The following PIP5K1C variants were observed in gnomAD, a reference collection of about 807,000 sequenced individuals.
PIP5K1C encodes phosphatidylinositol-4-phosphate 5-kinase type 1 gamma.
Under a neutral mutation model 80.1 loss-of-function variants are expected in PIP5K1C, and 45 were observed. That is an observed-to-expected ratio of 0.56 (90% CI 0.44 to 0.72). PIP5K1C has a LOEUF of 0.72. Among genes scored for constraint, PIP5K1C ranks in the 30% least tolerant of loss-of-function variants. PIP5K1C has a pLI of 0.00. For synonymous variants in PIP5K1C, 498 were observed against 420.1 expected, an observed-to-expected ratio of 1.19 and a Z score of -2.27; for missense variants, 753 against 954.6, an observed-to-expected ratio of 0.79 and a Z score of 2.78.
At chr19:3,652,940 G>A (rs1599968533) in intron 7 of PIP5K1C, among the ~76,000 whole-genome samples, 3 of 152,158 alleles carry the variant, frequency 2.0e-5, no homozygotes, top group African/African-American at 4.8e-5. Flanking sequence ...AGACACTCCC[G>A]ACCCCCAAGG....
At position 3,638,928 on chromosome 19, in the gene PIP5K1C, G is replaced by A; in HGVS notation, c.1876C>T (p.Gln626Ter). Residue 626 changes from glutamine to a stop codon, truncating the protein, a stop_gained, in exon 16 of 18, where the codon CAG becomes TAG. Coordinates refer to ENST00000335312, the MANE Select transcript of PIP5K1C (RefSeq NM_012398.3). LOFTEE classifies it high-confidence loss of function. Reference protein sequence around the residue: ...ASDEEGAPASQASDEEDAPAT... With the variant: ...ASDEEGAPAS ...GGCGCGTCCTCCTCGTCCGAGGCCT[G>A]GCTGGCAGGTGCGCCCTCCTCGTCT... The A allele has an allele frequency of 1.9e-6, 3 of 1,612,674 alleles. No individual in the cohort carries two copies. Among genetic ancestry groups the A allele is most frequent in the Non-Finnish European group, 2.5e-6 (3 of 1,179,924 alleles).
intron 16 of PIP5K1C, chr19:3,638,105 G>T: frequency 7.2e-7 from 1 of 1,392,080 alleles, no homozygotes. Flanking sequence ...CCTTCCCAGG[G>T]GGTGCAGGGT....
intron 12 of PIP5K1C, 113 bp downstream of exon 12, chr19:3,643,974 C>G (rs866616424): frequency 5.2e-5 from 67 of 1,297,450 alleles, no homozygotes; most frequent in Non-Finnish European, 7.2e-5. Flanking sequence ...CCTGCAGATC[C>G]GGAGGGGGTG....
Position 3,661,039 on chromosome 19 carries a change from C to T in PIP5K1C, c.395G>A (p.Arg132His), listed in dbSNP as rs773054478. The T allele has an allele frequency of 3.7e-6, 6 of 1,613,938 alleles. No homozygotes were observed. The highest frequency in any genetic ancestry group is 1.1e-5 in the South Asian group (1 of 91,082). ...LTPAHHFQDFRFKTYAPVAFR... is the reference protein window; with the variant it reads ...LTPAHHFQDFHFKTYAPVAFR... Reference sequence around the variant, plus strand: ...GGCGACAGGTGCATAGGTCTTGAAGCGGAAGTCCTGGAAGTGGTGGGCGGG... The same window carrying T: ...GGCGACAGGTGCATAGGTCTTGAAGTGGAAGTCCTGGAAGTGGTGGGCGGG... The change falls in exon 5 of 18, where the codon CGC (arginine) becomes CAC (histidine). Residue 132 changes from arginine to histidine, a missense_variant. Around this residue, in one of 6 missense-constraint regions of PIP5K1C, gnomAD observed 139 missense variants for 289.7 expected, o/e 0.48. Transcript: ENST00000335312.
At position 3,692,839 on chromosome 19, in the gene PIP5K1C, C is replaced by T. The variant is rs1166591867; in HGVS notation, c.94+7458G>A. ...CCCCGTCCCCTCCCTGCCCTCCCCT[C>T]CTCACTGTTCCTCTAAAACACCAGG... On this transcript the variant is annotated intron_variant, in intron 1 of 17. Coordinates refer to ENST00000335312, the MANE Select transcript of PIP5K1C (RefSeq NM_012398.3). The surrounding 1 kb of genome is among the most constrained non-coding windows in gnomAD (Gnocchi z 5.2). Among the ~76,000 whole-genome samples the T allele has an allele frequency of 2.0e-5, 3 of 151,858 alleles. No homozygotes were observed. Among genetic ancestry groups the T allele is most frequent in the Non-Finnish European group, 4.4e-5 (3 of 67,942 alleles).
intron 1 of PIP5K1C, among the ~76,000 whole-genome samples, chr19:3,683,139 G>A (rs1458458661): frequency 6.6e-6 from 1 of 152,098 alleles, no homozygotes; most frequent in Non-Finnish European, 1.5e-5. Flanking sequence ...CCCCCGCTGG[G>A]TTTACTTCTC....
intron 9 of PIP5K1C, 142 bp from the exon 10 acceptor site, chr19:3,647,528 T>C (rs985084038): frequency 1.3e-6 from 1 of 758,950 alleles, no homozygotes; most frequent in African/African-American, 1.7e-5. Flanking sequence ...GGGTGGCAGG[T>C]GCTCCTGGCA....
rs1208589734 is a variant in PIP5K1C at position 3,637,431 on chromosome 19, AACAACTGACGTC to A, written c.1920+1441_1920+1452del. 6.5e-7 allele frequency: 1 copy of A among 1,535,506 alleles called. No individual in the cohort carries two copies. Among genetic ancestry groups the A allele is most frequent in the Non-Finnish European group, 8.7e-7 (1 of 1,146,804 alleles). On this transcript the variant is annotated intron_variant, in intron 16 of 17. Coordinates refer to ENST00000335312, the MANE Select transcript of PIP5K1C (RefSeq NM_012398.3). The surrounding 1 kb of genome is among the most constrained non-coding windows in gnomAD (Gnocchi z 7.0). ...TGATTTACCCAAAGCCCTTCTGGAA[AACAACTGACGTC>A]AGACACTGAGCTTCCGGCCGGGGAC...
chr19:3,646,107 A>G, intron 10 of PIP5K1C, 49 bp from the exon 11 acceptor site: 1 of 1,185,196 alleles, frequency 8.4e-7, no homozygotes, highest in Non-Finnish European at 1.3e-6. Flanking sequence ...TGCATCAATC[A>G]ACAGCTGGGG....
At chr19:3,694,932 T>C (rs1301652002) in intron 1 of PIP5K1C, among the ~76,000 whole-genome samples, 1 of 152,256 alleles carries the variant, frequency 6.6e-6, no homozygotes, top group East Asian at 1.9e-4. Flanking sequence ...TGTTTTCGGC[T>C]TCGTGGGACA....
rs754289952 is a variant in PIP5K1C, at chr19:3,648,696, G to A, written c.1140C>T (p.Ile380=). ...GCTCCCCGCGGCCGTTCACAGCGGG[G>A]ATCCCGCCCATCCTGGGGAGAGAGG... The part of the protein sequence containing the change: ...AIESDDTMGG[I]PAVNGRGERL... The change falls in exon 9 of 18, where the codon ATC becomes ATT. Residue 380 remains isoleucine (I), a synonymous_variant. Coordinates refer to ENST00000335312, the MANE Select transcript of PIP5K1C (RefSeq NM_012398.3). The surrounding 1 kb of genome is among the most constrained non-coding windows in gnomAD (Gnocchi z 4.3). The A allele has an allele frequency of 1.2e-6, 2 of 1,612,952 alleles. No individual in the cohort carries two copies. The highest frequency in any genetic ancestry group is 4.5e-5 in the East Asian group (2 of 44,878).
In PIP5K1C at chr19:3,660,961, CT is replaced by C; in HGVS notation, c.468+4del. 5.0e-6 allele frequency: 8 copies of C among 1,605,994 alleles called. No individual in the cohort carries two copies. Among genetic ancestry groups the C allele is most frequent in the Non-Finnish European group, 6.8e-6 (8 of 1,172,762 alleles). ...CTGGAAGCCCGTAACAGCAAATATG[CT>C]TACCAAGTAATCATCTGGCCGGATC... On this transcript the variant is annotated splice_donor_region_variant and intron_variant, in intron 5 of 17. Coordinates refer to ENST00000335312, the MANE Select transcript of PIP5K1C (RefSeq NM_012398.3).
intron 15 of PIP5K1C, 44 bp from the exon 16 acceptor site, chr19:3,639,060 C>A (rs777530565): frequency 6.2e-7 from 1 of 1,602,560 alleles, no homozygotes; most frequent in Admixed American, 1.7e-5. Context: ...TCAGGCCCCA[C>A]ACGGAGACTC....
chr19:3,686,851 G>A (rs981034692), intron 1 of PIP5K1C, among the ~76,000 whole-genome samples: 2 of 152,014 alleles, frequency 1.3e-5, no homozygotes, highest in Non-Finnish European at 2.9e-5. Flanking sequence ...CCTTGGATTA[G>A]GCAACAATTT....
chr19:3,635,405 C>T (rs753236491), intron 16 of PIP5K1C, among the ~76,000 whole-genome samples: 2 of 152,168 alleles, frequency 1.3e-5, no homozygotes, highest in Non-Finnish European at 2.9e-5. Flanking sequence ...AGATTAAGGC[C>T]GGGCGTGGTG....
At chr19:3,666,600 C>T (rs1187165661) in intron 2 of PIP5K1C, among the ~76,000 whole-genome samples, 1 of 151,774 alleles carries the variant, frequency 6.6e-6, no homozygotes, top group East Asian at 1.9e-4. Context: ...CAGGCAAACA[C>T]GTGCACACAC....
chr19:3,643,028 G>GC (rs2034038214), intron 13 of PIP5K1C, 89 bp from the exon 14 acceptor site: 1 of 1,531,152 alleles, frequency 6.5e-7, no homozygotes, highest in South Asian at 1.1e-5. Context: ...CTGCCTACCT[G>GC]CCCCCTGGCA....
intron 5 of PIP5K1C, among the ~76,000 whole-genome samples, chr19:3,659,886 G>A (rs528285586): frequency 6.6e-6 from 1 of 152,346 alleles, no homozygotes; most frequent in South Asian, 2.1e-4. Flanking sequence ...GGTGAGGGCA[G>A]GATCGGAGAA....
At position 3,688,232 on chromosome 19, in the gene PIP5K1C, G is replaced by T. The variant is rs1366425059; in HGVS notation, c.94+12065C>A. On this transcript the variant is annotated intron_variant, in intron 1 of 17. Transcript: ENST00000335312. The surrounding 1 kb of genome is among the most constrained non-coding windows in gnomAD (Gnocchi z 5.3). ...CGCCCCTCGCGGCTGGCTCCCCAGC[G>T]TCCCTGTCCTCCAGGGGCGCAGCGT... 6.6e-6 allele frequency among the ~76,000 whole-genome samples: 1 copy of T among 152,198 alleles called. No homozygotes were observed.
Sources: allele counts gnomAD v4.1 joint callset (sites outside exome capture counted in the v4.1 genomes callset), GRCh38; gene constraint gnomAD v4.1.1; regional missense constraint gnomAD v4.1.1; non-coding constraint Gnocchi (gnomAD v3.1); transcripts MANE v1.5; gene names NCBI Gene and HGNC (gene_info 2026-07-23, HGNC 2026-07-21).